The following OPCML variants were observed in gnomAD, a reference collection of about 807,000 sequenced individuals.
OPCML encodes opioid-binding protein/cell adhesion molecule.
OPCML carries 13 observed loss-of-function variants against 37.8 expected under a neutral mutation model. The ratio of observed to expected loss-of-function variants is 0.34; its 90% CI spans 0.22 to 0.55. OPCML has a LOEUF of 0.55. Among genes scored for constraint, OPCML ranks in the 20% least tolerant of loss-of-function variants. The pLI, the probability that OPCML is intolerant of heterozygous loss-of-function variation, is 0.91. For missense variants in OPCML, 341 were observed against 435.6 expected (o/e 0.78, Z 1.93); for synonymous variants, 176 against 168.8 (o/e 1.04, Z -0.33).
chr11:133,179,223 AT>A (rs1422920916), intron 1 of OPCML, among the ~76,000 whole-genome samples: 1 of 152,236 alleles, frequency 6.6e-6, no homozygotes, highest in Non-Finnish European at 1.5e-5. Context: ...AAATCAGGAA[AT>A]TAAAAAATAA....
At chr11:132,625,813 C>A (rs1591640050) in intron 3 of OPCML, among the ~76,000 whole-genome samples, 1 of 152,180 alleles carries the variant, frequency 6.6e-6, no homozygotes, top group Middle Eastern at 3.4e-3. Context: ...AACAGCCATA[C>A]ATGCAAATAT....
At chr11:133,018,558 C>A (rs1053418940) in intron 1 of OPCML, among the ~76,000 whole-genome samples, 4 of 152,124 alleles carry the variant, frequency 2.6e-5, no homozygotes, top group Non-Finnish European at 5.9e-5. Flanking sequence ...CCTTTTGAAG[C>A]CAGATGGCCA....
intron 1 of OPCML, among the ~76,000 whole-genome samples, chr11:133,145,734 T>C (rs1949888383): frequency 6.6e-6 from 1 of 152,196 alleles, no homozygotes; most frequent in African/African-American, 2.4e-5. Flanking sequence ...CATGAGGCCC[T>C]GAGCTGGTGC....
In OPCML at chr11:132,577,352, A is replaced by G. The variant is rs571158304; in HGVS notation, c.380-48166T>C. Among the ~76,000 whole-genome samples the G allele has an allele frequency of 8.3e-4, 126 of 152,266 alleles. 2 individuals are homozygous for G. In the South Asian group the frequency reaches 0.025, roughly 31 times the overall value. The stretch of plus-strand genomic sequence containing the variant: ...CACGGAAATTAAAGGATTTTTTAAA[A>G]TATTATCTTTAATTTTATGTAATTT... On this transcript the variant is annotated intron_variant, in intron 3 of 7. Coordinates refer to ENST00000524381, the MANE Select transcript of OPCML (RefSeq NM_001012393.5).
chr11:133,087,370 C>T (rs537187127), intron 1 of OPCML, among the ~76,000 whole-genome samples: 1 of 152,182 alleles, frequency 6.6e-6, no homozygotes, highest in African/African-American at 2.4e-5. Context: ...AGGTTTGGAG[C>T]ACAAATGACC....
intron 4 of OPCML, among the ~76,000 whole-genome samples, chr11:132,440,533 G>A (rs2096029183): frequency 1.3e-5 from 2 of 152,124 alleles, no homozygotes; most frequent in East Asian, 3.9e-4. Context: ...TCTAGGGTCA[G>A]TGTGTTAGGA....
chr11:133,012,858 G>A (rs1385836696), intron 1 of OPCML, among the ~76,000 whole-genome samples: 1 of 115,726 alleles, frequency 8.6e-6, no homozygotes, highest in Non-Finnish European at 1.7e-5. Context: ...CAACAGCAGT[G>A]AAACTCCATC....
At chr11:132,426,744 T>G (rs112034002) in intron 7 of OPCML, among the ~76,000 whole-genome samples, 1 of 152,264 alleles carries the variant, frequency 6.6e-6, no homozygotes, top group Non-Finnish European at 1.5e-5. Context: ...AACATTAGAT[T>G]TTTTAGAAGA....
At chr11:133,343,834 TA>T (rs1381397035) in intron 1 of OPCML, among the ~76,000 whole-genome samples, 3 of 152,166 alleles carry the variant, frequency 2.0e-5, no homozygotes, top group Admixed American at 6.5e-5. Context: ...CAAAATAGCC[TA>T]AAATTTTATC....
chr11:132,486,224 G>A (rs1050307942), intron 4 of OPCML, among the ~76,000 whole-genome samples: 1 of 152,286 alleles, frequency 6.6e-6, no homozygotes, highest in Admixed American at 6.5e-5. Flanking sequence ...GGATTCTGCA[G>A]AGGGTTTCCT....
chr11:132,568,184 A>G (rs147743865), intron 3 of OPCML, among the ~76,000 whole-genome samples: 1 of 152,366 alleles, frequency 6.6e-6, no homozygotes, highest in African/African-American at 2.4e-5. Context: ...AACAGCATTA[A>G]TCACGTAATT....
chr11:133,356,706 G>A (rs1287819146), intron 1 of OPCML, among the ~76,000 whole-genome samples: 2 of 152,154 alleles, frequency 1.3e-5, no homozygotes, highest in African/African-American at 2.4e-5. Context: ...AGTCATGGCT[G>A]GCATGGAACC....
chr11:132,855,270 G>A (rs550201825), intron 2 of OPCML, among the ~76,000 whole-genome samples: 4 of 152,180 alleles, frequency 2.6e-5, no homozygotes, highest in East Asian at 1.9e-4. Flanking sequence ...GACTCAATGC[G>A]CAAGGGCCAT....
chr11:133,386,133 G>A (rs954935195), intron 1 of OPCML, among the ~76,000 whole-genome samples: 6 of 152,166 alleles, frequency 3.9e-5, no homozygotes, highest in African/African-American at 1.4e-4. Context: ...GCACGGAGGC[G>A]AATGAAATAA....
At chr11:132,756,937 C>T (rs993822816) in intron 2 of OPCML, among the ~76,000 whole-genome samples, 1 of 152,086 alleles carries the variant, frequency 6.6e-6, no homozygotes, top group Non-Finnish European at 1.5e-5. Context: ...CCTTGCTCCC[C>T]ACCCCCTGAC....
At chr11:133,247,418 G>A (rs769258530) in intron 1 of OPCML, among the ~76,000 whole-genome samples, 7 of 152,134 alleles carry the variant, frequency 4.6e-5, no homozygotes, top group Non-Finnish European at 8.8e-5. Flanking sequence ...CCTGTACTGA[G>A]TTTACAATAC....
chr11:133,060,630 G>A (rs1395032040), intron 1 of OPCML, among the ~76,000 whole-genome samples: 1 of 152,232 alleles, frequency 6.6e-6, no homozygotes, highest in Admixed American at 6.5e-5. Context: ...TGCATGACAG[G>A]ACCTGCCAGG....
intron 4 of OPCML, among the ~76,000 whole-genome samples, chr11:132,444,364 A>T (rs1056375579): frequency 2.4e-4 from 37 of 152,280 alleles, no homozygotes; most frequent in African/African-American, 7.7e-4. Flanking sequence ...TCTCCATCAC[A>T]TACCTCCTGA....
intron 2 of OPCML, among the ~76,000 whole-genome samples, chr11:132,926,019 T>C (rs766712323): frequency 6.6e-6 from 1 of 152,204 alleles, no homozygotes; most frequent in Non-Finnish European, 1.5e-5. Flanking sequence ...ACACTTCCAG[T>C]AGGTGTTTGC....
Sources: gnomAD v4.1 joint callset for allele counts (sites outside exome capture counted in the v4.1 genomes callset) on GRCh38, gnomAD v4.1.1 for gene constraint, MANE v1.5 for transcripts, NCBI Gene and HGNC (gene_info 2026-07-23, HGNC 2026-07-21) for gene names.